C3orf70: variants seen among roughly 807,000 people sequenced by gnomAD.
C3orf70 encodes the protein chromosome 3 open reading frame 70.
Under a neutral mutation model 20.7 loss-of-function variants are expected in C3orf70, and 15 were observed. The observed-to-expected ratio is 0.72, with a 90% confidence interval of 0.48 to 1.11. The LOEUF is 1.11. C3orf70 is among the 50% of genes most tolerant of loss of function. C3orf70 has a pLI of 0.00. For synonymous variants in C3orf70, 161 were observed against 125.7 expected, an observed-to-expected ratio of 1.28 and a Z score of -1.88; for missense variants, 332 against 317.6, an observed-to-expected ratio of 1.05 and a Z score of -0.34.
rs2108584259 is a variant in C3orf70 at position 185,080,375 on chromosome 3, C to CT, written c.*2631dup. The CT allele has an allele frequency of 6.5e-6, 1 of 152,746 alleles. No individual in the cohort carries two copies. Among genetic ancestry groups the CT allele is most frequent in the South Asian group, 2.1e-4 (1 of 4,818 alleles). The allele number at this position is 152,746 out of a possible 1,614,324, so 9.5% of individuals were successfully genotyped here. A position where few individuals can be genotyped will look rare whatever the true frequency, so the allele number is the denominator to read the frequency against. The stretch of plus-strand genomic sequence containing the variant: ...ACCTAGACAGAAGTCTTAGATGGTA[C>CT]TGAGAGACGGCCCAAGCCTGCCACT... On this transcript the variant is annotated 3_prime_UTR_variant, in exon 2 of 2. Coordinates refer to ENST00000335012, the MANE Select transcript of C3orf70 (RefSeq NM_001025266.3).
chr3:185,125,384 AAACAACAACAACAACAACAACAAC>A (rs141336074), intron 1 of C3orf70, among the ~76,000 whole-genome samples: 13 of 149,916 alleles, frequency 8.7e-5, no homozygotes, highest in Admixed American at 7.3e-4. Flanking sequence ...CCATCTCCAA[AAACAACAACAACAACAACAACAAC>A]AACAACAACA....
chr3:185,102,320 C>T (rs1248770259), intron 1 of C3orf70, among the ~76,000 whole-genome samples: 1 of 152,022 alleles, frequency 6.6e-6, no homozygotes, highest in Non-Finnish European at 1.5e-5. Flanking sequence ...TCACAATTGA[C>T]ACAAAAAATT....
rs1356727080 is a variant in C3orf70 at position 185,079,156 on chromosome 3, C to CTA, written c.*3849_*3850dup. On this transcript the variant is annotated 3_prime_UTR_variant, in exon 2 of 2. Transcript: ENST00000335012. ...ATTAGCGAGGCATGGTGGCGGGCAC[C>CTA]TATAGTCCCAGCTACTCAGGAGGCT... 2.0e-5 allele frequency: 3 copies of CTA among 151,804 alleles called. No homozygotes were observed. The highest frequency in any genetic ancestry group is 6.6e-5 in the Admixed American group (1 of 15,238). The allele number at this position is 151,804 out of a possible 1,614,324, so 9.4% of individuals were successfully genotyped here. A position where few individuals can be genotyped will look rare whatever the true frequency, so the allele number is the denominator to read the frequency against.
At chr3:185,100,008 T>A (rs1480560349) in intron 1 of C3orf70, among the ~76,000 whole-genome samples, 1 of 152,178 alleles carries the variant, frequency 6.6e-6, no homozygotes, top group Non-Finnish European at 1.5e-5. Context: ...GACGTAACTA[T>A]CCTAAATGTA....
At position 185,079,825 on chromosome 3, in the gene C3orf70, G is replaced by A. The variant is rs552866753; in HGVS notation, c.*3182C>T. ...CATATTACTGGGTCCAAAGTATACAGCTTTCATATCTGTCAGTCAGTGTGC... is the reference window on the plus strand; with the variant it reads ...CATATTACTGGGTCCAAAGTATACAACTTTCATATCTGTCAGTCAGTGTGC... On this transcript the variant is annotated 3_prime_UTR_variant, in exon 2 of 2. Coordinates refer to ENST00000335012, the MANE Select transcript of C3orf70 (RefSeq NM_001025266.3). 31 of 152,762 alleles carry A rather than the reference G, an allele frequency of 2.0e-4. No individual in the cohort carries two copies. Among genetic ancestry groups the A allele is most frequent in the African/African-American group, 7.2e-4 (30 of 41,576 alleles). The allele number at this position is 152,762 out of a possible 1,614,324, so 9.5% of individuals were successfully genotyped here.
At position 185,077,779 on chromosome 3, in the gene C3orf70, TTGG is replaced by T. The variant is rs201474525; in HGVS notation, c.*5225_*5227del. ...TAACTGCGTGTGAAATAAATGCTAT[TTGG>T]TGGTGGTGGGGGGGGGGTATCAAGT... On this transcript the variant is annotated 3_prime_UTR_variant, in exon 2 of 2. Coordinates refer to ENST00000335012, the MANE Select transcript of C3orf70 (RefSeq NM_001025266.3). Among the ~76,000 whole-genome samples the T allele has an allele frequency of 0.018, 1,854 of 103,018 alleles. 19 individuals carry two copies. Among genetic ancestry groups the T allele is most frequent in the Middle Eastern group, 0.027 (6 of 222 alleles). 67.6% of individuals were successfully genotyped at this position (103,018 alleles called of 152,430 possible).
intron 1 of C3orf70, among the ~76,000 whole-genome samples, chr3:185,121,214 T>C (rs761343947): frequency 6.6e-6 from 1 of 151,932 alleles, no homozygotes; most frequent in Non-Finnish European, 1.5e-5. Context: ...ACAATGGACA[T>C]TGGGGACTTG....
At chr3:185,119,077 C>A (rs1716239522) in intron 1 of C3orf70, among the ~76,000 whole-genome samples, 1 of 152,088 alleles carries the variant, frequency 6.6e-6, no homozygotes, top group African/African-American at 2.4e-5. Flanking sequence ...AAATGTTTTT[C>A]CAATGAGTCT....
rs148605710 is a variant in C3orf70, at chr3:185,088,977, G to T, written c.197-5414C>A. Reference sequence around the variant, plus strand: ...ACCCAAACAAACTTAAGCCAGCAGAGCCTGAAGAGGGGAGGGTTTGTGCTA... The same window carrying T: ...ACCCAAACAAACTTAAGCCAGCAGATCCTGAAGAGGGGAGGGTTTGTGCTA... On this transcript the variant is annotated intron_variant, in intron 1 of 1. Coordinates refer to ENST00000335012, the MANE Select transcript of C3orf70 (RefSeq NM_001025266.3). Among the ~76,000 whole-genome samples the T allele has an allele frequency of 3.0e-3, 457 of 152,286 alleles. 3 individuals carry two copies. Among genetic ancestry groups the T allele is most frequent in the African/African-American group, 9.7e-3 (402 of 41,546 alleles).
At chr3:185,133,391 G>C (rs1716560401) in intron 1 of C3orf70, among the ~76,000 whole-genome samples, 1 of 152,198 alleles carries the variant, frequency 6.6e-6, no homozygotes, top group Admixed American at 6.5e-5. Context: ...AACATTATTT[G>C]TAAAAGTAAA....
intron 1 of C3orf70, among the ~76,000 whole-genome samples, chr3:185,136,162 TTAA>T (rs1561363515): frequency 6.6e-6 from 1 of 152,140 alleles, no homozygotes; most frequent in Non-Finnish European, 1.5e-5. Context: ...TATGGCTATA[TTAA>T]TATCAACTAA....
At chr3:185,092,707 T>C (rs780469158) in intron 1 of C3orf70, among the ~76,000 whole-genome samples, 8 of 151,978 alleles carry the variant, frequency 5.3e-5, no homozygotes, top group Non-Finnish European at 1.0e-4. Context: ...AATTATATAT[T>C]TGGGGCCAGG....
intron 1 of C3orf70, among the ~76,000 whole-genome samples, chr3:185,129,448 A>G (rs1354090853): frequency 6.6e-6 from 1 of 152,120 alleles, no homozygotes; most frequent in Non-Finnish European, 1.5e-5. Context: ...GTGGGTATGT[A>G]CCACATTTTC....
chr3:185,101,225 C>CA (rs1007134700), intron 1 of C3orf70, among the ~76,000 whole-genome samples: 1 of 151,944 alleles, frequency 6.6e-6, no homozygotes, highest in African/African-American at 2.4e-5. Flanking sequence ...GCAGACACAA[C>CA]AAAAAAAGAA....
rs1717027612 is a variant in C3orf70, at chr3:185,152,927, G to C, written c.-104C>G. ...GCGGACGCGGGAGGGCGCGGCACGG[G>C]CCGGGAGTCACGCCAGCACGCGGCG... is the stretch of plus-strand genomic sequence containing the variant. On this transcript the variant is annotated 5_prime_UTR_variant, in exon 1 of 2. Transcript: ENST00000335012. 2 of 1,099,368 alleles carry C rather than the reference G, an allele frequency of 1.8e-6. No individual in the cohort carries two copies. The highest frequency in any genetic ancestry group is 2.4e-6 in the Non-Finnish European group (2 of 838,962). 68.1% of individuals were successfully genotyped at this position (1,099,368 alleles called of 1,614,324 possible). A position where few individuals can be genotyped will look rare whatever the true frequency, so the allele number is the denominator to read the frequency against.
chr3:185,110,040 G>A (rs114051203), intron 1 of C3orf70, among the ~76,000 whole-genome samples: 8,038 of 152,176 alleles, frequency 0.053, 688 homozygotes, highest in African/African-American at 0.18. Context: ...CAAAACGGTC[G>A]GATGGCAGAA....
At chr3:185,136,483 T>C (rs923502016) in intron 1 of C3orf70, among the ~76,000 whole-genome samples, 1 of 151,908 alleles carries the variant, frequency 6.6e-6, no homozygotes, top group African/African-American at 2.4e-5. Context: ...AGCACTTTGG[T>C]AGGCCAAGGC....
intron 1 of C3orf70, among the ~76,000 whole-genome samples, chr3:185,118,810 G>C (rs897849710): frequency 6.6e-6 from 1 of 152,126 alleles, no homozygotes; most frequent in Non-Finnish European, 1.5e-5. Context: ...CAGAAAAGTT[G>C]AATATTGTAC....
chr3:185,136,579 C>T (rs998432560), intron 1 of C3orf70, among the ~76,000 whole-genome samples: 1 of 152,018 alleles, frequency 6.6e-6, no homozygotes, highest in African/African-American at 2.4e-5. Flanking sequence ...ATTAGCTGGG[C>T]CCACAGTGGT....
Sources: allele counts gnomAD v4.1 joint callset (sites outside exome capture counted in the v4.1 genomes callset), GRCh38; gene constraint gnomAD v4.1.1; transcripts MANE v1.5; gene names NCBI Gene and HGNC (gene_info 2026-07-23, HGNC 2026-07-21).